NEMP1: variants seen among roughly 807,000 people sequenced by gnomAD.
The protein encoded by NEMP1 is nuclear envelope integral membrane protein 1.
NEMP1 carries 29 observed loss-of-function variants against 53.7 expected under a neutral mutation model. That is an observed-to-expected ratio of 0.54 (90% CI 0.40 to 0.74). The LOEUF (loss-of-function observed/expected upper bound fraction) is 0.74. Ranked by LOEUF, NEMP1 falls within the 30% of genes least tolerant of loss-of-function variation. The probability of loss-of-function intolerance (pLI) is 0.00; values close to 1 mark genes in which losing one functional copy is unlikely to be tolerated. For missense variants in NEMP1, 477 were observed against 528.6 expected (o/e 0.90, Z 0.96); for synonymous variants, 193 against 192.9 (o/e 1.00, Z 0.00).
In NEMP1 at chr12:57,060,914, G is replaced by C; in HGVS notation, c.1012C>G (p.Pro338Ala). The stretch of plus-strand genomic sequence containing the variant: ...TCTTCTTCTGTCAGGAGACGAGGGG[G>C]AACAGGCTTTTCTGCTCCCTTACAC... ...KVCKGAEKPV[P>A]PRLLTEEEYR... is the part of the protein sequence containing the mutation. The change falls in exon 8 of 9, where the codon CCC becomes GCC. Residue 338 changes from proline (P) to alanine (A), a missense_variant. Coordinates refer to ENST00000300128, the MANE Select transcript of NEMP1 (RefSeq NM_001130963.2). 6.2e-7 allele frequency: 1 copy of C among 1,614,042 alleles called. No homozygotes were observed. Among genetic ancestry groups the C allele is most frequent in the Non-Finnish European group, 8.5e-7 (1 of 1,179,990 alleles).
chr12:57,061,954 G>A (rs578165506), intron 7 of NEMP1, among the ~76,000 whole-genome samples: 103 of 151,022 alleles, frequency 6.8e-4, no homozygotes, highest in African/African-American at 2.3e-3. Flanking sequence ...AGCTGAGATA[G>A]CACCACTGCA....
upstream of NEMP1, among the ~76,000 whole-genome samples, chr12:57,081,990 G>A (rs1482790678): frequency 4.6e-5 from 7 of 151,692 alleles, 1 homozygote; most frequent in Non-Finnish European, 4.4e-5. Context: ...AGGCCAAGGC[G>A]GGCGAATCAC....
upstream of NEMP1, among the ~76,000 whole-genome samples, chr12:57,081,749 T>TA (rs1407345797): frequency 4.3e-4 from 62 of 145,546 alleles, no homozygotes; most frequent in Non-Finnish European, 9.0e-5. Flanking sequence ...CTACTAAAAA[T>TA]AAAAAAAATT....
At chr12:57,083,335 C>G (rs193189269), upstream of NEMP1, among the ~76,000 whole-genome samples, 2 of 152,302 alleles carry the variant, frequency 1.3e-5, no homozygotes, top group Admixed American at 1.3e-4. Context: ...ATTCAAGAAG[C>G]TTTTAGCTTT....
chr12:57,067,596 C>T (rs923557498), intron 4 of NEMP1, among the ~76,000 whole-genome samples: 2 of 152,070 alleles, frequency 1.3e-5, no homozygotes, highest in Non-Finnish European at 2.9e-5. Context: ...CTGTGAACCA[C>T]AAAAAAGTGA....
At chr12:57,084,348 A>G (rs541179998) in intron 1 of NEMP1, among the ~76,000 whole-genome samples, 6 of 152,336 alleles carry the variant, frequency 3.9e-5, no homozygotes. Context: ...AGGCTATTCC[A>G]GAGTTTTGAG....
intron 7 of NEMP1, 139 bp downstream of exon 7, chr12:57,062,980 G>A (rs536229492): frequency 4.6e-5 from 27 of 586,798 alleles, no homozygotes; most frequent in Non-Finnish European, 7.7e-5. Context: ...ATAGACTCGG[G>A]AAGGAACAAA....
intron 4 of NEMP1, among the ~76,000 whole-genome samples, chr12:57,068,075 A>AT (rs146165863): frequency 0.091 from 13,771 of 151,974 alleles, 653 homozygotes; most frequent in East Asian, 0.19. Context: ...CCAGCCCCCC[A>AT]TTCCAGATTT....
At chr12:57,081,243 T>G (rs2032838420), upstream of NEMP1, among the ~76,000 whole-genome samples, 1 of 152,060 alleles carries the variant, frequency 6.6e-6, no homozygotes, top group Non-Finnish European at 1.5e-5. Context: ...ATTATGGGCT[T>G]TTTTGTTTTT....
chr12:57,072,934 A>G, intron 1 of NEMP1, 22 bp from the exon 2 acceptor site: 1 of 1,596,518 alleles, frequency 6.3e-7, no homozygotes, highest in Non-Finnish European at 8.5e-7. Flanking sequence ...GAAAGGAAAC[A>G]AGAATTAAAC....
exon 1 of NEMP1, chr12:57,088,001 G>A (rs1301105801): frequency 6.6e-6 from 1 of 152,278 alleles, no homozygotes; most frequent in African/African-American, 2.4e-5. Flanking sequence ...GGTTGCAGAG[G>A]CGGGGGCTAA....
chr12:57,085,787 C>A (rs1016130723), intron 1 of NEMP1, among the ~76,000 whole-genome samples: 1 of 152,246 alleles, frequency 6.6e-6, no homozygotes, highest in East Asian at 1.9e-4. Context: ...GTGGGACTCA[C>A]TGGAAACTTT....
At chr12:57,082,759 C>T (rs1592524540), upstream of NEMP1, among the ~76,000 whole-genome samples, 1 of 151,872 alleles carries the variant, frequency 6.6e-6, no homozygotes, top group South Asian at 2.1e-4. Context: ...TGCCTGTAAT[C>T]CCAATGTCTT....
At chr12:57,087,852 C>G (rs1055976534) in intron 1 of NEMP1, 8 of 152,288 alleles carry the variant, frequency 5.3e-5, no homozygotes, top group South Asian at 2.1e-4. Context: ...CCCCCACCCC[C>G]CCTCCTTTCC....
At chr12:57,078,808 C>T (rs909137430), upstream of NEMP1, 3 of 1,549,636 alleles carry the variant, frequency 1.9e-6, no homozygotes, top group Non-Finnish European at 8.7e-7. Flanking sequence ...GAACGGGCAA[C>T]GACAGCAGCC....
At position 57,072,895 on chromosome 12, in the gene NEMP1, C is replaced by T; in HGVS notation, c.145G>A (p.Val49Met). 1 of 1,612,108 alleles carries T rather than the reference C, an allele frequency of 6.2e-7. No homozygotes were observed. Among genetic ancestry groups the T allele is most frequent in the Non-Finnish European group, 8.5e-7 (1 of 1,179,102 alleles). The change falls in exon 2 of 9, where the codon GTG becomes ATG. Residue 49 changes from valine to methionine, a missense_variant. Coordinates refer to ENST00000300128, the MANE Select transcript of NEMP1 (RefSeq NM_001130963.2). ...ACTTGGGATTCCTGAAGCATGACCA[C>T]ATTTACATCAGTTTCAGCTTTATGC... is the stretch of plus-strand genomic sequence containing the variant. ...VYGTAETDVN[V>M]VMLQESQVCE...
intron 2 of NEMP1, among the ~76,000 whole-genome samples, chr12:57,071,787 T>C (rs997089855): frequency 6.6e-6 from 1 of 151,384 alleles, no homozygotes; most frequent in African/African-American, 2.4e-5. Context: ...GTCGTGCCAC[T>C]GCACTCCAGC....
rs760448128 is a variant in NEMP1, at chr12:57,072,897, T to G, written c.143A>C (p.Asn48Thr). The G allele has an allele frequency of 6.2e-7, 1 of 1,611,946 alleles. No individual in the cohort carries two copies. The highest frequency in any genetic ancestry group is 8.5e-7 in the Non-Finnish European group (1 of 1,179,044). Residue 48 changes from asparagine to threonine, a missense_variant, in exon 2 of 9, where the codon AAT (asparagine) becomes ACT (threonine). By Grantham distance (65) the Asn-to-Thr change is moderately conservative. Transcript: ENST00000300128. ...TTGGGATTCCTGAAGCATGACCACATTTACATCAGTTTCAGCTTTATGCAA... is the reference window on the plus strand; with the variant it reads ...TTGGGATTCCTGAAGCATGACCACAGTTACATCAGTTTCAGCTTTATGCAA... ...LVYGTAETDV[N>T]VVMLQESQVC...
intron 7 of NEMP1, 50 bp from the exon 8 acceptor site, chr12:57,060,995 C>T (rs746453822): frequency 2.7e-5 from 42 of 1,580,688 alleles, no homozygotes; most frequent in Non-Finnish European, 3.6e-5. Context: ...AATCTATATC[C>T]ATCCTTACTT....
Sources: gnomAD v4.1 joint callset for allele counts (sites outside exome capture counted in the v4.1 genomes callset) on GRCh38, gnomAD v4.1.1 for gene constraint, MANE v1.5 for transcripts, NCBI Gene and HGNC (gene_info 2026-07-23, HGNC 2026-07-21) for gene names.